The following KLC1 variants were observed in gnomAD, a reference collection of about 807,000 sequenced individuals.
KLC1 encodes the protein kinesin light chain 1, also known as kinesin 2 60/70kDa.
Under a neutral mutation model 84.2 loss-of-function variants are expected in KLC1, and 30 were observed. The observed-to-expected ratio is 0.36, with a 90% CI of 0.27 to 0.48. The LOEUF is 0.48. Ranked by LOEUF, KLC1 falls within the 20% of genes least tolerant of loss-of-function variation. The pLI is 0.99. For synonymous variants in KLC1, 289 were observed against 293.3 expected (o/e 0.99, Z 0.15); for missense variants, 499 against 805.4 (o/e 0.62, Z 4.60).
At chr14:103,678,448 G>A (rs1405252570) in intron 12 of KLC1, among the ~76,000 whole-genome samples, 1 of 152,190 alleles carries the variant, frequency 6.6e-6, no homozygotes, top group Non-Finnish European at 1.5e-5. Context: ...ACGTTGGGAG[G>A]CTGAGGTGGG....
intron 2 of KLC1, 61 bp from the exon 3 acceptor site, chr14:103,657,485 G>A (rs751848207): frequency 4.4e-6 from 6 of 1,362,004 alleles, no homozygotes; most frequent in Non-Finnish European, 3.1e-6. Flanking sequence ...TGTTCGCACG[G>A]GTGGGAGGGA....
chr14:103,700,625 G>C, intron 15 of KLC1, 30 bp from the exon 16 acceptor site: 1 of 1,590,996 alleles, frequency 6.3e-7, no homozygotes, highest in Non-Finnish European at 8.6e-7. Context: ...TGCACGCCCT[G>C]AGTGAAACTC....
chr14:103,700,331 G>A, intron 15 of KLC1: 1 of 301,938 alleles, frequency 3.3e-6, no homozygotes, highest in Non-Finnish European at 6.2e-6. Context: ...GTGAAGGCAG[G>A]TGTCCTCGGC....
At chr14:103,696,873 ATGGT>A in intron 15 of KLC1, 1 of 845,530 alleles carries the variant, frequency 1.2e-6, no homozygotes, top group Non-Finnish European at 1.3e-6. Context: ...CCCTAAGGGG[ATGGT>A]CAGTGTTCTG....
chr14:103,650,691 A>G (rs1375822292), intron 1 of KLC1, among the ~76,000 whole-genome samples: 1 of 146,166 alleles, frequency 6.8e-6, no homozygotes, highest in Non-Finnish European at 1.5e-5. Context: ...CGATTCTTCT[A>G]CCTCAACCTC....
intron 1 of KLC1, among the ~76,000 whole-genome samples, chr14:103,637,444 C>T (rs2077131790): frequency 1.3e-5 from 2 of 151,684 alleles, no homozygotes; most frequent in Admixed American, 1.3e-4. Flanking sequence ...GCAGAAGAAT[C>T]GCTTGATCCC....
rs2080193325 is a variant in KLC1 at position 103,669,437 on chromosome 14, A to AAAAAGAGAAAAAAAG, written c.798-68_798-67insGAAAAAAAGAAAAGA. 21 of 857,752 alleles carry AAAAAGAGAAAAAAAG rather than the reference A, an allele frequency of 2.4e-5. No homozygotes were observed. In the South Asian group the frequency reaches 2.8e-4, roughly 11 times the overall value. 53.1% of individuals were successfully genotyped at this position (857,752 alleles called of 1,614,324 possible). A position where few individuals can be genotyped will look rare whatever the true frequency, so the allele number is the denominator to read the frequency against. On this transcript the variant is annotated intron_variant, in intron 5 of 16. Coordinates refer to ENST00000334553, the MANE Select transcript of KLC1 (RefSeq NM_001394837.1). Reference sequence around the variant, plus strand: ...CAACAGAGTCAGACTCTGTCTAAAAAAAAAGAAAAGAAAAGAAAAGAAAAG... The same window carrying AAAAAGAGAAAAAAAG: ...CAACAGAGTCAGACTCTGTCTAAAAAAAAAGAGAAAAAAAGAAAAGAAAAGAAAAGAAAAGAAAAG...
intron 1 of KLC1, among the ~76,000 whole-genome samples, chr14:103,630,105 T>G (rs1296922028): frequency 6.6e-6 from 1 of 152,220 alleles, no homozygotes; most frequent in Non-Finnish European, 1.5e-5. Flanking sequence ...ACCCCTTATT[T>G]TCAGTAACCA....
At chr14:103,680,084 C>T (rs4900590) in intron 13 of KLC1, among the ~76,000 whole-genome samples, 42,604 of 152,082 alleles carry the variant, frequency 0.28, 6,717 homozygotes, top group East Asian at 0.35. Context: ...CCTGAGAGGG[C>T]GTCCAGATCT....
chr14:103,675,130 C>T (rs1285537687), intron 9 of KLC1, among the ~76,000 whole-genome samples: 2 of 152,148 alleles, frequency 1.3e-5, no homozygotes, highest in East Asian at 3.9e-4. Flanking sequence ...AGTGACCAGC[C>T]TGGCCAACAT....
chr14:103,670,043 T>G, intron 6 of KLC1, 139 bp from the exon 7 acceptor site: 1 of 608,408 alleles, frequency 1.6e-6, no homozygotes, highest in Non-Finnish European at 2.9e-6. Context: ...GCGCTTTTCA[T>G]TTTAACTGAA....
chr14:103,662,393 A>T (rs996143312), intron 4 of KLC1, among the ~76,000 whole-genome samples, 199 bp downstream of exon 4: 1 of 152,146 alleles, frequency 6.6e-6, no homozygotes, highest in Non-Finnish European at 1.5e-5. Flanking sequence ...CCTAGGATAC[A>T]GCGGCATGCA....
At chr14:103,631,237 C>G (rs1261864412) in intron 1 of KLC1, among the ~76,000 whole-genome samples, 1 of 152,128 alleles carries the variant, frequency 6.6e-6, no homozygotes, top group Non-Finnish European at 1.5e-5. Flanking sequence ...CCCGCCACCA[C>G]GCCCGGTTAA....
Position 103,663,822 on chromosome 14 carries a change from C to T in KLC1, c.797+895C>T, listed in dbSNP as rs144333646. On this transcript the variant is annotated intron_variant, in intron 5 of 16. Coordinates refer to ENST00000334553, the MANE Select transcript of KLC1 (RefSeq NM_001394837.1). Reference sequence around the variant, plus strand: ...CAGGATTGAGGTTGTCGGGGTGGGGCGAGGGGAACCTGAGCAAGGAGGAGG... The same window carrying T: ...CAGGATTGAGGTTGTCGGGGTGGGGTGAGGGGAACCTGAGCAAGGAGGAGG... Among the ~76,000 whole-genome samples the T allele has an allele frequency of 9.2e-5, 14 of 151,960 alleles. 1 individual carries two copies. Among genetic ancestry groups the T allele is most frequent in the African/African-American group, 3.4e-4 (14 of 41,450 alleles).
intron 9 of KLC1, among the ~76,000 whole-genome samples, chr14:103,674,832 C>T (rs1046773782): frequency 1.3e-5 from 2 of 152,172 alleles, no homozygotes; most frequent in Non-Finnish European, 2.9e-5. Context: ...ACTTGAGCAG[C>T]TGGCATTTTA....
intron 13 of KLC1, among the ~76,000 whole-genome samples, chr14:103,681,621 G>A (rs1315466051): frequency 6.6e-6 from 1 of 152,064 alleles, no homozygotes; most frequent in African/African-American, 2.4e-5. Context: ...ACCACACCTG[G>A]CTAATTTTTT....
chr14:103,650,302 G>C (rs1343531359), intron 1 of KLC1, among the ~76,000 whole-genome samples: 1 of 152,056 alleles, frequency 6.6e-6, no homozygotes, highest in Non-Finnish European at 1.5e-5. Flanking sequence ...CACACCCCAG[G>C]GTAGGTGAGA....
At chr14:103,696,997 C>T (rs570897863) in intron 15 of KLC1, 9 of 985,414 alleles carry the variant, frequency 9.1e-6, no homozygotes, top group East Asian at 1.1e-4. Context: ...CCAGCATGGG[C>T]GGGGCCGGCC....
intron 12 of KLC1, 64 bp downstream of exon 12, chr14:103,677,587 A>G (rs1233300942): frequency 4.5e-6 from 4 of 892,866 alleles, no homozygotes; most frequent in East Asian, 4.8e-5. Flanking sequence ...TCTCTTTTAC[A>G]TGAATTTTAT....
Sources: gnomAD v4.1 joint callset for allele counts (sites outside exome capture counted in the v4.1 genomes callset) on GRCh38, gnomAD v4.1.1 for gene constraint, MANE v1.5 for transcripts, NCBI Gene and HGNC (gene_info 2026-07-23, HGNC 2026-07-21) for gene names.